Variants in PDK3 observed in about 807,000 individuals in gnomAD.
PDK3 encodes the protein pyruvate dehydrogenase kinase, isozyme 3.
Under a neutral mutation model 32.0 loss-of-function variants are expected in PDK3, and 12 were observed. That is an observed-to-expected ratio of 0.37 (90% confidence interval 0.24 to 0.61). The LOEUF (loss-of-function observed/expected upper bound fraction) is 0.61, where lower values mean the gene tolerates loss of function less well. PDK3 is among the 20% of genes least tolerant of loss of function. The pLI, the probability that PDK3 is intolerant of heterozygous loss-of-function variation, is 0.65. For missense variants in PDK3, 188 were observed against 316.9 expected, an observed-to-expected ratio of 0.59 and a Z score of 3.09; for synonymous variants, 122 against 116.3, an observed-to-expected ratio of 1.05 and a Z score of -0.31.
At chrX:24,521,776 C>T (rs1381797529) in intron 6 of PDK3, among the ~76,000 whole-genome samples, 1 of 111,907 alleles carries the variant, frequency 8.9e-6, no homozygotes, top group African/African-American at 3.2e-5. Context: ...CTCTTTTTGG[C>T]ATTGTCTCAC....
intron 4 of PDK3, 35 bp downstream of exon 4, chrX:24,503,546 G>T: frequency 1.0e-6 from 1 of 975,265 alleles, no homozygotes; most frequent in Non-Finnish European, 1.4e-6. Context: ...TTTTGAAAAG[G>T]TAACCATAGT....
chrX:24,515,954 T>C (rs1922245483), intron 5 of PDK3, among the ~76,000 whole-genome samples: 1 of 111,388 alleles, frequency 9.0e-6, no homozygotes, highest in African/African-American at 3.3e-5. Flanking sequence ...TCTCTATCTT[T>C]GGTTCTTTAT....
chrX:24,494,658 G>C, intron 1 of PDK3, 84 bp from the exon 2 acceptor site: 1 of 639,673 alleles, frequency 1.6e-6, no homozygotes, highest in Non-Finnish European at 2.4e-6. Flanking sequence ...TTTCCAACCA[G>C]TAGTAACCGT....
In PDK3 at chrX:24,465,506, G is replaced by A; in HGVS notation, c.51G>A (p.Glu17=). The change falls in exon 1 of 11, where the codon GAG becomes GAA. Residue 17 remains glutamate, a synonymous_variant. Coordinates refer to ENST00000379162, the MANE Select transcript of PDK3 (RefSeq NM_005391.5). ...LLKQPVPKQI[E]RYSRFSPSPL... is the part of the protein sequence containing the mutation. ...AGCAGCCGGTGCCCAAGCAGATCGA[G>A]CGCTACTCGCGCTTTTCGCCGTCGC... The A allele has an allele frequency of 8.3e-7, 1 of 1,209,597 alleles. No individual in the cohort carries two copies. Among genetic ancestry groups the A allele is most frequent in the South Asian group, 1.8e-5 (1 of 56,940 alleles).
At chrX:24,487,470 G>T (rs1260037327) in intron 1 of PDK3, among the ~76,000 whole-genome samples, 1 of 111,377 alleles carries the variant, frequency 9.0e-6, no homozygotes, top group Non-Finnish European at 1.9e-5. Context: ...ACAAACCTGC[G>T]CATGTACCCC....
At chrX:24,473,343 C>T (rs1269307372) in intron 1 of PDK3, among the ~76,000 whole-genome samples, 1 of 109,319 alleles carries the variant, frequency 9.1e-6, no homozygotes, top group Non-Finnish European at 1.9e-5. Flanking sequence ...CACTGCACTC[C>T]AGCCTGGCTA....
At chrX:24,514,763 G>A (rs1037945381) in intron 5 of PDK3, among the ~76,000 whole-genome samples, 9 of 111,467 alleles carry the variant, frequency 8.1e-5, no homozygotes, top group South Asian at 3.8e-4. Context: ...CAGAATTAGC[G>A]TGACTCAGAC....
chrX:24,538,159 A>T (rs1461537308), downstream of PDK3, among the ~76,000 whole-genome samples: 2 of 112,529 alleles, frequency 1.8e-5, no homozygotes, highest in African/African-American at 6.5e-5. Flanking sequence ...TTTTAAAGGC[A>T]ATTTTTAAAC....
At chrX:24,481,343 C>T (rs1921256070) in intron 1 of PDK3, among the ~76,000 whole-genome samples, 1 of 112,492 alleles carries the variant, frequency 8.9e-6, no homozygotes, top group Non-Finnish European at 1.9e-5. Context: ...TTTTTCTTGA[C>T]TTCCACCTTT....
chrX:24,480,112 C>T (rs940262826), intron 1 of PDK3, among the ~76,000 whole-genome samples: 5 of 111,459 alleles, frequency 4.5e-5, no homozygotes. Context: ...TCACCGCCTC[C>T]CAAGCATTAC....
At chrX:24,480,577 T>A (rs1321149328) in intron 1 of PDK3, among the ~76,000 whole-genome samples, 1 of 112,070 alleles carries the variant, frequency 8.9e-6, no homozygotes, top group African/African-American at 3.2e-5. Flanking sequence ...ATAATATTCT[T>A]CCAGAGTTAA....
chrX:24,531,106 C>T (rs1048198883), intron 9 of PDK3, among the ~76,000 whole-genome samples: 1 of 109,245 alleles, frequency 9.2e-6, no homozygotes, highest in African/African-American at 3.4e-5. Flanking sequence ...TGCTCTGTCG[C>T]CCAGGCTGGA....
At chrX:24,506,163 C>T (rs965319453) in intron 5 of PDK3, among the ~76,000 whole-genome samples, 10 of 111,903 alleles carry the variant, frequency 8.9e-5, no homozygotes, top group African/African-American at 3.3e-4. Flanking sequence ...GAGGACCAGA[C>T]CTGTTGGTTT....
chrX:24,465,446 C>T lies in PDK3; in HGVS notation c.-10C>T. The T allele has an allele frequency of 8.4e-7, 1 of 1,191,667 alleles. No individual in the cohort carries two copies. The highest frequency in any genetic ancestry group is 1.1e-6 in the Non-Finnish European group (1 of 880,759). On this transcript the variant is annotated 5_prime_UTR_variant, in exon 1 of 11. Transcript: ENST00000379162. ...GCGTCTAGGCGGGTCTGTGCGCCGCCCGGGCGAGGATGCGGCTGTTCCGGT... is the reference window on the plus strand; with the variant it reads ...GCGTCTAGGCGGGTCTGTGCGCCGCTCGGGCGAGGATGCGGCTGTTCCGGT...
At chrX:24,529,462 GCTT>G (rs901614028) in intron 9 of PDK3, among the ~76,000 whole-genome samples, 1 of 111,681 alleles carries the variant, frequency 9.0e-6, no homozygotes, top group Non-Finnish European at 1.9e-5. Flanking sequence ...CCGAAGAAAT[GCTT>G]CTGCTAGTGG....
At chrX:24,486,827 C>T (rs1282992745) in intron 1 of PDK3, among the ~76,000 whole-genome samples, 1 of 110,873 alleles carries the variant, frequency 9.0e-6, no homozygotes, top group African/African-American at 3.3e-5. Flanking sequence ...GACTGGGTCT[C>T]CCTATGTTGC....
intron 3 of PDK3, 65 bp from the exon 4 acceptor site, chrX:24,503,262 G>A: frequency 1.3e-6 from 1 of 751,142 alleles, no homozygotes; most frequent in South Asian, 3.4e-5. Context: ...GGACAGAGCT[G>A]GGAAGTCTGT....
intron 1 of PDK3, among the ~76,000 whole-genome samples, chrX:24,491,905 C>A (rs1405776249): frequency 9.0e-6 from 1 of 111,434 alleles, no homozygotes; most frequent in African/African-American, 3.3e-5. Flanking sequence ...CACTGCACTG[C>A]AGCCTGGGTG....
intron 3 of PDK3, among the ~76,000 whole-genome samples, chrX:24,499,406 A>T (rs1341767782): frequency 3.3e-5 from 2 of 60,557 alleles, no homozygotes; most frequent in Non-Finnish European, 5.8e-5. Flanking sequence ...TATCATGCTG[A>T]TGAGATTCAT....
Sources: gnomAD v4.1 joint callset for allele counts (sites outside exome capture counted in the v4.1 genomes callset) on GRCh38, gnomAD v4.1.1 for gene constraint, MANE v1.5 for transcripts, NCBI Gene and HGNC (gene_info 2026-07-23, HGNC 2026-07-21) for gene names.